ASTN1: variants seen among roughly 807,000 people sequenced by gnomAD.
ASTN1 encodes astrotactin 1, also known as astrotactin-1.
Under a neutral mutation model 140.7 loss-of-function variants are expected in ASTN1, and 41 were observed. The ratio of observed to expected loss-of-function variants is 0.29; its 90% CI spans 0.23 to 0.38. The LOEUF (loss-of-function observed/expected upper bound fraction) is 0.38, where lower values mean the gene tolerates loss of function less well. Among genes scored for constraint, ASTN1 ranks in the 10% least tolerant of loss-of-function variants. ASTN1 has a pLI of 1.00. For synonymous variants in ASTN1, 640 were observed against 652.2 expected, an observed-to-expected ratio of 0.98 and a Z score of 0.29; for missense variants, 1,479 against 1,678.8, an observed-to-expected ratio of 0.88 and a Z score of 2.08.
intron 5 of ASTN1, among the ~76,000 whole-genome samples, chr1:177,025,209 C>T (rs1299530984): frequency 1.3e-5 from 2 of 152,172 alleles, no homozygotes; most frequent in Non-Finnish European, 2.9e-5. Flanking sequence ...CTTGTGCTTA[C>T]TCTATGGGCA....
chr1:176,857,772 A>G, downstream of ASTN1: 1 of 412,428 alleles, frequency 2.4e-6, no homozygotes, highest in Non-Finnish European at 4.3e-6. Flanking sequence ...GTGGCTGATT[A>G]GGAGTATGTG....
chr1:177,006,618 T>C (rs1427849278), intron 8 of ASTN1, among the ~76,000 whole-genome samples: 1 of 152,194 alleles, frequency 6.6e-6, no homozygotes, highest in Non-Finnish European at 1.5e-5. Context: ...TTGAAACAAT[T>C]TATCTTCCAT....
chr1:177,023,415 T>A lies in ASTN1; in HGVS notation c.1427A>T (p.Asp476Val). Residue 476 changes from aspartate to valine, a missense_variant, in exon 7 of 23, where the codon GAC becomes GTC. This residue lies in a region of ASTN1 where 729 missense variants were observed against 860.4 expected (regional missense o/e 0.85). Coordinates refer to ENST00000361833, the MANE Select transcript of ASTN1 (RefSeq NM_004319.3). ...GTGCTCCCGCCTACCAGTTTCGGGGTCACATTGGTGTTCACAGGGGTCCAG... is the reference window on the plus strand; with the variant it reads ...GTGCTCCCGCCTACCAGTTTCGGGGACACATTGGTGTTCACAGGGGTCCAG... ...RLLDPCEHQCDPETGECLCYE... is the reference protein window; with the variant it reads ...RLLDPCEHQCVPETGECLCYE... 1 of 1,593,706 alleles carries A rather than the reference T, an allele frequency of 6.3e-7. No homozygotes were observed. The highest frequency in any genetic ancestry group is 8.5e-7 in the Non-Finnish European group (1 of 1,170,000).
intron 14 of ASTN1, among the ~76,000 whole-genome samples, chr1:176,938,322 T>C (rs1421055842): frequency 6.6e-6 from 1 of 152,216 alleles, no homozygotes; most frequent in Admixed American, 6.5e-5. Context: ...ATAACAAGTA[T>C]TGTCTAGTTA....
chr1:177,046,924 C>G (rs1297995632), intron 2 of ASTN1, among the ~76,000 whole-genome samples: 1 of 152,182 alleles, frequency 6.6e-6, no homozygotes, highest in Non-Finnish European at 1.5e-5. Context: ...GTGCCACTGA[C>G]CAGCCATTCA....
chr1:176,943,195 T>C (rs1671813472), intron 14 of ASTN1, among the ~76,000 whole-genome samples: 1 of 152,016 alleles, frequency 6.6e-6, no homozygotes. Flanking sequence ...CCTTGAAGTC[T>C]CTTCCTTGGT....
chr1:177,023,565 C>T lies in ASTN1; in HGVS notation c.1277G>A (p.Arg426His), dbSNP rs750249282. Residue 426 changes from arginine (R) to histidine (H), a missense_variant, in exon 7 of 23, where the codon CGC becomes CAC. Transcript: ENST00000361833. ...CTGGCTCCCCTCCAGCAAGATGAAG[C>T]GGCTCCCTGCAGGGTGAGAGAAAGG... Reference protein sequence around the residue: ...VPEHLIADGSRFILLEGSQLD... With the variant: ...VPEHLIADGSHFILLEGSQLD... The T allele has an allele frequency of 2.3e-5, 37 of 1,588,918 alleles. No individual in the cohort carries two copies. Among genetic ancestry groups the T allele is most frequent in the East Asian group, 1.4e-4 (6 of 44,248 alleles).
At chr1:176,925,150 GA>G (rs2103078782) in intron 16 of ASTN1, among the ~76,000 whole-genome samples, 1 of 152,254 alleles carries the variant, frequency 6.6e-6, no homozygotes, top group South Asian at 2.1e-4. Flanking sequence ...CCTAATCAAA[GA>G]AAAGCCTTGG....
At chr1:176,944,303 A>C (rs1463784616) in intron 13 of ASTN1, among the ~76,000 whole-genome samples, 1 of 152,136 alleles carries the variant, frequency 6.6e-6, no homozygotes, top group East Asian at 1.9e-4. Context: ...TCTGTCACCC[A>C]GGTTGGAGTG....
chr1:177,106,717 A>G (rs1680560538), intron 1 of ASTN1, among the ~76,000 whole-genome samples: 1 of 152,202 alleles, frequency 6.6e-6, no homozygotes, highest in East Asian at 1.9e-4. Context: ...CACAGATCCA[A>G]TCAACAAAGC....
In ASTN1 at chr1:176,998,894, G is replaced by T. The variant is rs75457875; in HGVS notation, c.1523+15897C>A. Among the ~76,000 whole-genome samples, 741 of 152,322 alleles carry T rather than the reference G, an allele frequency of 4.9e-3. 6 individuals are homozygous for T. The highest frequency in any genetic ancestry group is 0.017 in the African/African-American group (703 of 41,580). On this transcript the variant is annotated intron_variant, in intron 8 of 22. Coordinates refer to ENST00000361833, the MANE Select transcript of ASTN1 (RefSeq NM_004319.3). Reference sequence around the variant, plus strand: ...CCAAATGATGCCACTTTCTATGGGTGTAACCTTTGGGCAAGGTACCAAACT... The same window carrying T: ...CCAAATGATGCCACTTTCTATGGGTTTAACCTTTGGGCAAGGTACCAAACT...
chr1:176,888,693 G>T (rs1199158371), intron 17 of ASTN1, among the ~76,000 whole-genome samples: 1 of 152,062 alleles, frequency 6.6e-6, no homozygotes, highest in Non-Finnish European at 1.5e-5. Flanking sequence ...CAATATTTTT[G>T]CAATGCTGCC....
chr1:176,942,820 GTATATATATATATATGTATATATATATA>G (rs1229547202), intron 14 of ASTN1, among the ~76,000 whole-genome samples: 1,419 of 25,322 alleles, frequency 0.056, 148 homozygotes, highest in African/African-American at 0.15. Context: ...TTGTGTGTGT[GTATATATATATATATGTATATATATATA>G]TATATATATA....
At chr1:177,160,229 C>G (rs1489200837) in intron 1 of ASTN1, among the ~76,000 whole-genome samples, 3 of 152,190 alleles carry the variant, frequency 2.0e-5, no homozygotes, top group African/African-American at 7.2e-5. Flanking sequence ...CTAAGTGACC[C>G]TGAGTAAGTT....
At chr1:176,981,699 G>C (rs1184269910) in intron 8 of ASTN1, 4 of 152,798 alleles carry the variant, frequency 2.6e-5, no homozygotes, top group African/African-American at 9.6e-5. Flanking sequence ...CGATGAAGGA[G>C]AGAGAGGAGT....
At chr1:176,914,022 G>A (rs1670373664) in intron 16 of ASTN1, among the ~76,000 whole-genome samples, 2 of 152,270 alleles carry the variant, frequency 1.3e-5, no homozygotes, top group Admixed American at 6.5e-5. Flanking sequence ...AGGTAAACAA[G>A]GGGGGCATCA....
intron 1 of ASTN1, among the ~76,000 whole-genome samples, chr1:177,103,523 A>G (rs1438018295): frequency 6.6e-6 from 1 of 152,154 alleles, no homozygotes; most frequent in Non-Finnish European, 1.5e-5. Context: ...TGGATTTTAC[A>G]TGGGAACAGG....
intron 2 of ASTN1, among the ~76,000 whole-genome samples, chr1:177,045,344 A>G (rs1440146421): frequency 6.6e-6 from 1 of 152,230 alleles, no homozygotes; most frequent in African/African-American, 2.4e-5. Flanking sequence ...AGTGAATGCT[A>G]CATGGCTTGA....
intron 22 of ASTN1, among the ~76,000 whole-genome samples, chr1:176,867,173 T>A (rs1668157454): frequency 6.6e-6 from 1 of 152,210 alleles, no homozygotes; most frequent in Admixed American, 6.5e-5. Flanking sequence ...AAAAGAGAAA[T>A]TTTAAAAGCA....
Sources: gnomAD v4.1 joint callset for allele counts (sites outside exome capture counted in the v4.1 genomes callset) on GRCh38, gnomAD v4.1.1 for gene constraint, gnomAD v4.1.1 regional missense constraint, MANE v1.5 for transcripts, NCBI Gene and HGNC (gene_info 2026-07-23, HGNC 2026-07-21) for gene names.